Variants in CEP128 observed in about 807,000 individuals in gnomAD.
The protein encoded by CEP128 is centrosomal protein 128kDa.
CEP128 carries 132 observed loss-of-function variants against 156.7 expected under a neutral mutation model. The ratio of observed to expected loss-of-function variants is 0.84; its 90% CI spans 0.73 to 0.97. The LOEUF is 0.97. Among genes scored for constraint, CEP128 ranks in the 50% least tolerant of loss-of-function variants. The pLI, the probability that CEP128 is intolerant of heterozygous loss-of-function variation, is 0.00. For synonymous variants in CEP128, 469 were observed against 448.9 expected (o/e 1.04, Z -0.57); for missense variants, 1,252 against 1,281.9 (o/e 0.98, Z 0.36).
intron 19 of CEP128, among the ~76,000 whole-genome samples, chr14:80,604,938 C>T (rs1892720388): frequency 6.6e-6 from 1 of 152,064 alleles, no homozygotes; most frequent in Non-Finnish European, 1.5e-5. Flanking sequence ...AGACAAAACT[C>T]ATGGCTACAC....
intron 19 of CEP128, among the ~76,000 whole-genome samples, chr14:80,600,310 CAA>C (rs1892527115): frequency 6.6e-6 from 1 of 152,012 alleles, no homozygotes; most frequent in African/African-American, 2.4e-5. Context: ...AGGATAAATT[CAA>C]AGACATTCAC....
At chr14:80,492,936 G>A (rs1887373076), downstream of CEP128, among the ~76,000 whole-genome samples, 1 of 151,826 alleles carries the variant, frequency 6.6e-6, no homozygotes, top group South Asian at 2.1e-4. Context: ...CTGAATTGTT[G>A]GTAGTTTAGT....
intron 4 of CEP128, among the ~76,000 whole-genome samples, chr14:80,913,753 C>T (rs1318017039): frequency 2.0e-5 from 3 of 151,796 alleles, no homozygotes; most frequent in African/African-American, 7.3e-5. Context: ...GTATAATGGA[C>T]AGTGGAGACT....
chr14:80,534,576 A>C (rs1206120310), intron 21 of CEP128, among the ~76,000 whole-genome samples: 1 of 152,218 alleles, frequency 6.6e-6, no homozygotes, highest in Admixed American at 6.5e-5. Flanking sequence ...CTGTAATCCC[A>C]ACACTTTGGG....
chr14:80,529,250 T>C (rs1566759566), intron 22 of CEP128, among the ~76,000 whole-genome samples: 1 of 152,182 alleles, frequency 6.6e-6, no homozygotes, highest in Non-Finnish European at 1.5e-5. Flanking sequence ...ATTAACTCTT[T>C]CCCTTTTCAA....
intron 4 of CEP128, among the ~76,000 whole-genome samples, chr14:80,913,932 A>C (rs1191529358): frequency 6.6e-6 from 1 of 152,254 alleles, no homozygotes; most frequent in Admixed American, 6.5e-5. Flanking sequence ...AATTTTAAAA[A>C]ATTAAAAAGG....
intron 20 of CEP128, among the ~76,000 whole-genome samples, chr14:80,579,109 G>A (rs1361662044): frequency 6.6e-6 from 1 of 152,130 alleles, no homozygotes; most frequent in Non-Finnish European, 1.5e-5. Flanking sequence ...ATTTCAAAAG[G>A]CCAGACATAT....
chr14:80,875,885 A>T (rs1472618236), intron 8 of CEP128, among the ~76,000 whole-genome samples: 1 of 152,178 alleles, frequency 6.6e-6, no homozygotes, highest in Admixed American at 6.5e-5. Context: ...ACCTAAATAA[A>T]CCATTATTGC....
At chr14:80,566,500 A>T (rs984930012) in intron 20 of CEP128, among the ~76,000 whole-genome samples, 4 of 152,136 alleles carry the variant, frequency 2.6e-5, no homozygotes, top group Admixed American at 6.6e-5. Flanking sequence ...ACAGTGATTT[A>T]AAAAAAATTC....
At chr14:80,535,745 A>G (rs1037198987) in intron 21 of CEP128, among the ~76,000 whole-genome samples, 1 of 152,214 alleles carries the variant, frequency 6.6e-6, no homozygotes, top group Non-Finnish European at 1.5e-5. Context: ...AGTGAAGCAT[A>G]CTACCTGGCC....
chr14:80,863,389 T>C (rs138776391), intron 8 of CEP128, among the ~76,000 whole-genome samples: 28 of 152,266 alleles, frequency 1.8e-4, no homozygotes, highest in African/African-American at 6.5e-4. Flanking sequence ...TGCAATCTGC[T>C]AAAAATAAAA....
chr14:80,487,376 C>T (rs1887190458), downstream of CEP128, among the ~76,000 whole-genome samples: 1 of 152,200 alleles, frequency 6.6e-6, no homozygotes, highest in African/African-American at 2.4e-5. Flanking sequence ...ATTCATAAAG[C>T]AAGTCCTTAG....
intron 19 of CEP128, among the ~76,000 whole-genome samples, chr14:80,590,747 A>G (rs1237783486): frequency 6.6e-6 from 1 of 152,080 alleles, no homozygotes; most frequent in Non-Finnish European, 1.5e-5. Flanking sequence ...AAAAATTGTA[A>G]CAATATCTTA....
intron 19 of CEP128, among the ~76,000 whole-genome samples, chr14:80,696,144 G>A (rs1054283635): frequency 2.0e-5 from 3 of 152,194 alleles, no homozygotes; most frequent in Admixed American, 6.5e-5. Flanking sequence ...GGACCAATTA[G>A]TGACTGTTTG....
intron 4 of CEP128, among the ~76,000 whole-genome samples, chr14:80,912,110 G>A (rs925319245): frequency 4.0e-5 from 6 of 151,242 alleles, no homozygotes; most frequent in African/African-American, 7.4e-5. Context: ...CCAGCTATTC[G>A]GGAGGCTGAG....
intron 14 of CEP128, among the ~76,000 whole-genome samples, chr14:80,479,113 T>C (rs560105749): frequency 1.6e-4 from 25 of 152,336 alleles, no homozygotes; most frequent in Non-Finnish European, 2.9e-4. Flanking sequence ...CATTCCTTTA[T>C]AGAAATAAGA....
chr14:80,494,600 T>C (rs1050241332), downstream of CEP128, among the ~76,000 whole-genome samples: 1 of 152,178 alleles, frequency 6.6e-6, no homozygotes, highest in Non-Finnish European at 1.5e-5. Flanking sequence ...AGAGAAAATG[T>C]TAACAACTAC....
chr14:80,585,003 T>C (rs1891757073), intron 19 of CEP128, among the ~76,000 whole-genome samples: 1 of 152,262 alleles, frequency 6.6e-6, no homozygotes, highest in African/African-American at 2.4e-5. Context: ...ATTGCTGTGG[T>C]GAAATTTGCT....
At chr14:80,955,822 C>T (rs754498150) in intron 2 of CEP128, 2 of 1,614,174 alleles carry the variant, frequency 1.2e-6, no homozygotes, top group East Asian at 2.2e-5. Flanking sequence ...TCAACGCATC[C>T]CCAGCTTACC....
Sources: gnomAD v4.1 joint callset for allele counts (sites outside exome capture counted in the v4.1 genomes callset) on GRCh38, gnomAD v4.1.1 for gene constraint, MANE v1.5 for transcripts, NCBI Gene and HGNC (gene_info 2026-07-23, HGNC 2026-07-21) for gene names.